The following ANO6 variants were observed in gnomAD, a reference collection of about 807,000 sequenced individuals.
The protein encoded by ANO6 is anoctamin 6, also known as anoctamin-6.
Under a neutral mutation model 117.5 loss-of-function variants are expected in ANO6, and 106 were observed. The ratio of observed to expected loss-of-function variants is 0.90; its 90% confidence interval spans 0.77 to 1.06. ANO6 has a LOEUF of 1.06. Ranked by LOEUF, ANO6 falls within the 50% of genes least tolerant of loss-of-function variation. The probability of loss-of-function intolerance (pLI) is 0.00; values close to 1 mark genes in which losing one functional copy is unlikely to be tolerated. For missense variants in ANO6, 955 were observed against 1,121.1 expected (o/e 0.85, Z 2.12); for synonymous variants, 367 against 385.1 (o/e 0.95, Z 0.55).
At chr12:45,394,485 C>T (rs1012987589) in intron 12 of ANO6, among the ~76,000 whole-genome samples, 21 of 152,342 alleles carry the variant, frequency 1.4e-4, no homozygotes, top group Middle Eastern at 3.4e-3. Context: ...AGATCTGCAA[C>T]AAGCAGACCT....
At chr12:45,293,668 C>T (rs1306378057) in intron 1 of ANO6, among the ~76,000 whole-genome samples, 6 of 151,104 alleles carry the variant, frequency 4.0e-5, no homozygotes, top group Admixed American at 4.0e-4. Context: ...TCACACCATT[C>T]TCCTGCATCA....
intron 19 of ANO6, among the ~76,000 whole-genome samples, chr12:45,423,316 G>A (rs1172513936): frequency 6.6e-6 from 1 of 152,192 alleles, no homozygotes; most frequent in Non-Finnish European, 1.5e-5. Context: ...TTTTTAAAAT[G>A]TAGGGCACTG....
intron 1 of ANO6, among the ~76,000 whole-genome samples, chr12:45,274,354 T>C (rs1938481528): frequency 6.6e-6 from 1 of 152,144 alleles, no homozygotes; most frequent in African/African-American, 2.4e-5. Context: ...GTTTCGTGAG[T>C]CTATACTTCC....
rs533452828 is a variant in ANO6 at position 45,292,421 on chromosome 12, T to C, written c.71-9593T>C. 4.6e-5 allele frequency among the ~76,000 whole-genome samples: 7 copies of C among 152,348 alleles called. No homozygotes were observed. The East Asian group carries it at 1.3e-3, about 29-fold the overall frequency. On this transcript the variant is annotated intron_variant, in intron 1 of 19. Coordinates refer to ENST00000320560, the MANE Select transcript of ANO6 (RefSeq NM_001025356.3). Reference sequence around the variant, plus strand: ...CTGTGCAACATTGTGAATGTAATTATTGCCACTGAATTATATATTTTAAAT... The same window carrying C: ...CTGTGCAACATTGTGAATGTAATTACTGCCACTGAATTATATATTTTAAAT...
intron 6 of ANO6, among the ~76,000 whole-genome samples, chr12:45,350,196 A>G (rs954287386): frequency 3.9e-5 from 6 of 152,238 alleles, no homozygotes; most frequent in Non-Finnish European, 7.3e-5. Flanking sequence ...TTATCACAGA[A>G]TAACTGCTGA....
At chr12:45,344,496 CAA>C (rs1941072504) in intron 3 of ANO6, among the ~76,000 whole-genome samples, 1 of 152,042 alleles carries the variant, frequency 6.6e-6, no homozygotes, top group African/African-American at 2.4e-5. Flanking sequence ...AGTCGGAGGA[CAA>C]GAGCAAAGGG....
chr12:45,300,545 T>C (rs1350589702), intron 1 of ANO6, among the ~76,000 whole-genome samples: 1 of 152,192 alleles, frequency 6.6e-6, no homozygotes, highest in East Asian at 1.9e-4. Flanking sequence ...AAATAAGTCC[T>C]TTATAACTGG....
At chr12:45,357,233 A>G (rs1941433902) in intron 7 of ANO6, 57 bp from the exon 8 acceptor site, 1 of 1,576,040 alleles carries the variant, frequency 6.3e-7, no homozygotes, top group African/African-American at 1.3e-5. Context: ...TAATATTAGG[A>G]TGAAGCTACG....
intron 1 of ANO6, among the ~76,000 whole-genome samples, chr12:45,254,588 C>G (rs1016499749): frequency 6.6e-6 from 1 of 152,204 alleles, no homozygotes; most frequent in African/African-American, 2.4e-5. Flanking sequence ...TTTGGAAAAT[C>G]AGTTAAGTAC....
At chr12:45,253,078 A>G (rs1362752970) in intron 1 of ANO6, among the ~76,000 whole-genome samples, 1 of 152,190 alleles carries the variant, frequency 6.6e-6, no homozygotes. Context: ...TACCATGTCT[A>G]CTTTTTAAAC....
chr12:45,219,393 T>C (rs1311609312), intron 1 of ANO6, among the ~76,000 whole-genome samples: 1 of 152,144 alleles, frequency 6.6e-6, no homozygotes, highest in Non-Finnish European at 1.5e-5. Flanking sequence ...TGGAGTGCAG[T>C]GACGCAGTCA....
chr12:45,289,408 G>A (rs185035267), intron 1 of ANO6, among the ~76,000 whole-genome samples: 49 of 152,028 alleles, frequency 3.2e-4, no homozygotes, highest in Non-Finnish European at 5.0e-4. Context: ...TGATCCACCC[G>A]CCTTGGCCTC....
chr12:45,292,621 T>A (rs1939139709), intron 1 of ANO6: 1 of 1,126,950 alleles, frequency 8.9e-7, no homozygotes, highest in Non-Finnish European at 1.1e-6. Flanking sequence ...ATGTGATAGT[T>A]GTTTCCAGCT....
rs1942802386 is a variant in ANO6 at position 45,401,965 on chromosome 12, TATC to T, written c.1560_1562del (p.Ile520del). 6.2e-7 allele frequency: 1 copy of T among 1,613,990 alleles called. No individual in the cohort carries two copies. Among genetic ancestry groups the T allele is most frequent in the Non-Finnish European group, 8.5e-7 (1 of 1,180,012 alleles). On this transcript the variant is annotated inframe_deletion, in exon 13 of 20. Coordinates refer to ENST00000320560, the MANE Select transcript of ANO6 (RefSeq NM_001025356.3). ...CGGCCTCCATCATCAGCTTTATAATTATCATGATTCTGAACACCATATATGAAA... is the reference window on the plus strand; with the variant it reads ...CGGCCTCCATCATCAGCTTTATAATTATGATTCTGAACACCATATATGAAA...
At chr12:45,319,255 T>C (rs1940168660) in intron 2 of ANO6, among the ~76,000 whole-genome samples, 1 of 152,228 alleles carries the variant, frequency 6.6e-6, no homozygotes, top group East Asian at 1.9e-4. Context: ...TGTGGGTTTG[T>C]CATAAATAGC....
intron 1 of ANO6, among the ~76,000 whole-genome samples, chr12:45,282,025 G>C (rs1399209425): frequency 1.3e-5 from 2 of 152,172 alleles, no homozygotes; most frequent in Non-Finnish European, 2.9e-5. Flanking sequence ...CACCATAGGA[G>C]AGTGAATGTT....
chr12:45,342,392 T>C (rs1265893440), intron 3 of ANO6, among the ~76,000 whole-genome samples: 1 of 152,234 alleles, frequency 6.6e-6, no homozygotes, highest in Non-Finnish European at 1.5e-5. Context: ...GGCTGGCTCA[T>C]TCTGGGCTGT....
intron 1 of ANO6, among the ~76,000 whole-genome samples, chr12:45,265,847 C>T (rs1014454317): frequency 6.6e-6 from 1 of 152,194 alleles, no homozygotes; most frequent in African/African-American, 2.4e-5. Flanking sequence ...TATAGACCTA[C>T]CCTAACATGA....
chr12:45,353,882 A>T (rs1941344352), intron 7 of ANO6, among the ~76,000 whole-genome samples: 1 of 143,772 alleles, frequency 7.0e-6, no homozygotes, highest in Non-Finnish European at 1.5e-5. Context: ...ATGTGATTAG[A>T]CAGAAAAACA....
Sources: gnomAD v4.1 joint callset for allele counts (sites outside exome capture counted in the v4.1 genomes callset) on GRCh38, gnomAD v4.1.1 for gene constraint, MANE v1.5 for transcripts, NCBI Gene and HGNC (gene_info 2026-07-23, HGNC 2026-07-21) for gene names.